Variants in FBN2 observed in about 807,000 individuals in gnomAD.
FBN2 encodes the protein fibrillin-2.
In FBN2, 105 loss-of-function variants were observed where a neutral mutation model predicts 355.6. The ratio of observed to expected loss-of-function variants is 0.30; its 90% CI spans 0.25 to 0.35. FBN2 has a LOEUF of 0.35. Ranked by LOEUF, FBN2 falls within the 10% of genes least tolerant of loss-of-function variation. The probability of loss-of-function intolerance (pLI) is 1.00; values close to 1 mark genes in which losing one functional copy is unlikely to be tolerated. For synonymous variants in FBN2, 1,350 were observed against 1,301.2 expected, an observed-to-expected ratio of 1.04 and a Z score of -0.81; for missense variants, 3,280 against 3,758.7, an observed-to-expected ratio of 0.87 and a Z score of 3.33.
intron 5 of FBN2, among the ~76,000 whole-genome samples, chr5:128,489,801 G>T (rs1755450250): frequency 6.6e-6 from 1 of 152,024 alleles, no homozygotes; most frequent in African/African-American, 2.4e-5. Context: ...GCAACATAAA[G>T]AAAAAGGATG....
Position 128,276,039 on chromosome 5 carries a change from T to C in FBN2, c.7593A>G (p.Lys2531=), listed in dbSNP as rs28763923. The change falls in exon 59 of 65, where the codon AAA becomes AAG. Residue 2531 remains lysine, a splice_region_variant and synonymous_variant. Transcript: ENST00000262464. ...GATTGTCAGAGACTCTTCACTCACCTTTGCATGTCTTTCCATCCTCTTGCA... is the reference window on the plus strand; with the variant it reads ...GATTGTCAGAGACTCTTCACTCACCCTTGCATGTCTTTCCATCCTCTTGCA... The part of the protein sequence containing the change: ...YVLQEDGKTC[K]DLDECQTKQH... 485 of 1,613,740 alleles carry C rather than the reference T, an allele frequency of 3.0e-4. 2 individuals are homozygous for C. In the African/African-American group the frequency reaches 6.1e-3, roughly 20 times the overall value.
Position 128,259,593 on chromosome 5 carries a change from T to A in FBN2, c.8601A>T (p.Thr2867=), listed in dbSNP as rs542824837. 6.8e-6 allele frequency: 11 copies of A among 1,614,072 alleles called. 1 individual carries two copies. In the South Asian group the frequency reaches 1.2e-4, roughly 18 times the overall value. Residue 2867 remains threonine, a synonymous_variant, in exon 65 of 65, where the codon ACA becomes ACT. Transcript: ENST00000262464. ...GGATGCTAGTGATTTCCAGTGTGTA[T>A]GTGCCGGGCATGAGCTTCTTCTTGG... ...HTAKKKLMPG[T]YTLEITSIPL...
intron 5 of FBN2, among the ~76,000 whole-genome samples, chr5:128,472,748 G>A (rs71587979): frequency 0.059 from 8,956 of 150,840 alleles, 371 homozygotes; most frequent in Non-Finnish European, 0.084. Flanking sequence ...CTGAGATCGC[G>A]CCATTGCACT....
At chr5:128,519,895 A>G (rs944133280) in intron 4 of FBN2, among the ~76,000 whole-genome samples, 4 of 152,070 alleles carry the variant, frequency 2.6e-5, no homozygotes, top group African/African-American at 9.7e-5. Flanking sequence ...CCAAGGGGGG[A>G]AAAGGTAAAG....
At chr5:128,319,293 CA>C (rs1265028271) in intron 34 of FBN2, among the ~76,000 whole-genome samples, 9 of 150,678 alleles carry the variant, frequency 6.0e-5, no homozygotes, top group African/African-American at 2.2e-4. Flanking sequence ...ACACAAAATA[CA>C]AAAATTAAAT....
At chr5:128,351,349 C>G (rs1440736207) in intron 20 of FBN2, among the ~76,000 whole-genome samples, 2 of 152,084 alleles carry the variant, frequency 1.3e-5, no homozygotes, top group African/African-American at 2.4e-5. Flanking sequence ...AAGTTCAAGA[C>G]CAGCCTGGTC....
At chr5:128,356,121 C>A (rs898096231) in intron 20 of FBN2, among the ~76,000 whole-genome samples, 10 of 152,064 alleles carry the variant, frequency 6.6e-5, no homozygotes, top group African/African-American at 2.4e-4. Context: ...GTGGCTCCAA[C>A]CCACACACCC....
intron 5 of FBN2, among the ~76,000 whole-genome samples, chr5:128,512,006 C>T (rs986613765): frequency 6.6e-6 from 1 of 152,100 alleles, no homozygotes; most frequent in African/African-American, 2.4e-5. Context: ...CTGACATTTA[C>T]AATAAAAACA....
At chr5:128,384,225 C>A (rs1274912631) in intron 11 of FBN2, among the ~76,000 whole-genome samples, 1 of 151,936 alleles carries the variant, frequency 6.6e-6, no homozygotes, top group African/African-American at 2.4e-5. Flanking sequence ...ATATAAAATT[C>A]TACACGATGC....
At chr5:128,459,233 C>G (rs1754491564) in intron 6 of FBN2, among the ~76,000 whole-genome samples, 1 of 152,120 alleles carries the variant, frequency 6.6e-6, no homozygotes, top group Admixed American at 6.5e-5. Flanking sequence ...CACATACACC[C>G]TACCAAGACT....
intron 7 of FBN2, among the ~76,000 whole-genome samples, chr5:128,409,520 A>G (rs1183586672): frequency 6.6e-6 from 1 of 152,226 alleles, no homozygotes; most frequent in Non-Finnish European, 1.5e-5. Flanking sequence ...TCATTTATAT[A>G]AACTTTTAAT....
At chr5:128,399,836 G>C (rs1487684951) in intron 8 of FBN2, among the ~76,000 whole-genome samples, 1 of 152,012 alleles carries the variant, frequency 6.6e-6, no homozygotes, top group African/African-American at 2.4e-5. Flanking sequence ...ATAGGAGAAA[G>C]AGAATCGAGT....
intron 62 of FBN2, among the ~76,000 whole-genome samples, chr5:128,271,690 C>G (rs1371468256): frequency 6.6e-6 from 1 of 152,094 alleles, no homozygotes; most frequent in Non-Finnish European, 1.5e-5. Flanking sequence ...AGTGGCTGAC[C>G]TTCGCAAACA....
rs756765501 is a variant in FBN2 at position 128,336,133 on chromosome 5, G to T, written c.3599-20C>A. On this transcript the variant is annotated intron_variant, in intron 27 of 64. Transcript: ENST00000262464. ...TAATATCTATAAAAGATACACAGAAGTAATGCTTTACACAATGTCCACTCA... is the reference window on the plus strand; with the variant it reads ...TAATATCTATAAAAGATACACAGAATTAATGCTTTACACAATGTCCACTCA... 1.9e-6 allele frequency: 3 copies of T among 1,611,308 alleles called. No individual in the cohort carries two copies. The highest frequency in any genetic ancestry group is 2.5e-6 in the Non-Finnish European group (3 of 1,178,764).
In FBN2 at chr5:128,345,525, G is replaced by T. The variant is rs375187779; in HGVS notation, c.3049C>A (p.Pro1017Thr). Reference protein sequence around the residue: ...WDEDECIHPVPGKFRMDACCC... With the variant: ...WDEDECIHPVTGKFRMDACCC... The stretch of plus-strand genomic sequence containing the variant: ...CAGGCATCCATGCGGAACTTTCCAG[G>T]AACGGGGTGGATGCATTCATCTTCA... The change falls in exon 24 of 65, where the codon CCT (proline) becomes ACT (threonine). Residue 1017 changes from proline to threonine, a missense_variant. This residue lies in a region of FBN2 where 2,284 missense variants were observed against 2,749.5 expected (regional missense o/e 0.83). Coordinates refer to ENST00000262464, the MANE Select transcript of FBN2 (RefSeq NM_001999.4). 14 of 1,614,144 alleles carry T rather than the reference G, an allele frequency of 8.7e-6. No homozygotes were observed. The highest frequency in any genetic ancestry group is 6.7e-5 in the African/African-American group (5 of 75,034).
chr5:128,446,261 A>T (rs1754060428), intron 7 of FBN2: 2 of 455,422 alleles, frequency 4.4e-6, no homozygotes, highest in African/African-American at 2.0e-5. Context: ...AACACAACTG[A>T]GATAACAAAC....
intron 62 of FBN2, among the ~76,000 whole-genome samples, chr5:128,264,041 T>C (rs1368691725): frequency 6.6e-6 from 1 of 151,996 alleles, no homozygotes; most frequent in Non-Finnish European, 1.5e-5. Context: ...GAGGAAGAAA[T>C]GGGAAATGAC....
intron 7 of FBN2, among the ~76,000 whole-genome samples, chr5:128,445,117 C>T (rs898684238): frequency 6.6e-6 from 1 of 152,196 alleles, no homozygotes; most frequent in Non-Finnish European, 1.5e-5. Flanking sequence ...GTGTTACTTT[C>T]ACCTTTCCAC....
chr5:128,300,736 C>T lies in FBN2; in HGVS notation c.6166+81G>A. 5 of 1,425,936 alleles carry T rather than the reference C, an allele frequency of 3.5e-6. No homozygotes were observed. In the Admixed American group the frequency reaches 8.4e-5, roughly 24 times the overall value. The allele number at this position is 1,425,936 out of a possible 1,614,324, so 88.3% of individuals were successfully genotyped here. On this transcript the variant is annotated intron_variant, in intron 48 of 64. Transcript: ENST00000262464. The stretch of plus-strand genomic sequence containing the variant: ...AGGTCAGCATGCTTGCAGTGGTTGG[C>T]ACTTAGTATGTTTCCAGAGTCTTTA...
Sources: gnomAD v4.1 joint callset for allele counts (sites outside exome capture counted in the v4.1 genomes callset) on GRCh38, gnomAD v4.1.1 for gene constraint, gnomAD v4.1.1 regional missense constraint, MANE v1.5 for transcripts, NCBI Gene and HGNC (gene_info 2026-07-23, HGNC 2026-07-21) for gene names.